The following SYNRG variants were observed in gnomAD, a reference collection of about 807,000 sequenced individuals.
SYNRG encodes the protein synergin gamma, also known as AP1 gamma subunit binding protein 1.
SYNRG carries 37 observed loss-of-function variants against 130.9 expected under a neutral mutation model. The observed-to-expected ratio is 0.28, with a 90% CI of 0.22 to 0.37. The LOEUF (loss-of-function observed/expected upper bound fraction) is 0.37. Among genes scored for constraint, SYNRG ranks in the 10% least tolerant of loss-of-function variants. The pLI is 1.00. For missense variants in SYNRG, 1,338 were observed against 1,588.9 expected (o/e 0.84, Z 2.68); for synonymous variants, 539 against 568.1 (o/e 0.95, Z 0.73).
chr17:37,530,426 C>T (rs1366412597), intron 19 of SYNRG, among the ~76,000 whole-genome samples: 2 of 152,202 alleles, frequency 1.3e-5, no homozygotes, highest in African/African-American at 4.8e-5. Context: ...GTGACACATC[C>T]TTCTCTACCC....
At position 37,606,631 on chromosome 17, in the gene SYNRG, T is replaced by C. The variant is rs1220597542; in HGVS notation, c.77+2648A>G. On this transcript the variant is annotated intron_variant, in intron 1 of 21. Transcript: ENST00000612223. ...GACTAATCCAGATCTTTCAACTCTTTTTTTTTTCTGCCTTGATTAAAGAAA... is the reference window on the plus strand; with the variant it reads ...GACTAATCCAGATCTTTCAACTCTTCTTTTTTTCTGCCTTGATTAAAGAAA... 2.0e-5 allele frequency among the ~76,000 whole-genome samples: 3 copies of C among 152,212 alleles called. No individual in the cohort carries two copies. The East Asian group carries it at 5.8e-4, about 29-fold the overall frequency.
chr17:37,550,567 A>T lies in SYNRG; in HGVS notation c.2608+2548T>A, dbSNP rs575072161. Among the ~76,000 whole-genome samples, 8 of 152,320 alleles carry T rather than the reference A, an allele frequency of 5.3e-5. No homozygotes were observed. The South Asian group carries it at 1.7e-3, about 32-fold the overall frequency. ...CAGATCACAAAAGAGAGTGATACAG[A>T]AGAGCTGGAAAAGAAGTCATCAGAA... On this transcript the variant is annotated intron_variant, in intron 14 of 21. Transcript: ENST00000612223.
At chr17:37,558,428 T>C (rs777062934) in intron 13 of SYNRG, among the ~76,000 whole-genome samples, 1 of 152,228 alleles carries the variant, frequency 6.6e-6, no homozygotes, top group Non-Finnish European at 1.5e-5. Flanking sequence ...TTTCATAGCA[T>C]GCATAGTTAA....
intron 19 of SYNRG, among the ~76,000 whole-genome samples, chr17:37,521,214 G>A (rs1017047398): frequency 6.6e-6 from 1 of 151,948 alleles, no homozygotes; most frequent in East Asian, 1.9e-4. Context: ...ATTTTTAGTA[G>A]AGACAGGGCT....
At chr17:37,538,550 A>G in intron 17 of SYNRG, 130 bp from the exon 18 acceptor site, 1 of 638,782 alleles carries the variant, frequency 1.6e-6, no homozygotes, top group Non-Finnish European at 2.8e-6. Context: ...TTGAAGAAAC[A>G]ATCCTCCATT....
intron 8 of SYNRG, among the ~76,000 whole-genome samples, chr17:37,575,275 T>C (rs1171239537): frequency 6.6e-6 from 1 of 152,100 alleles, no homozygotes; most frequent in Non-Finnish European, 1.5e-5. Context: ...AATAATTTAT[T>C]GTACACTTAA....
chr17:37,545,661 C>A (rs1359417264), intron 14 of SYNRG, among the ~76,000 whole-genome samples: 4 of 152,020 alleles, frequency 2.6e-5, no homozygotes, highest in African/African-American at 9.7e-5. Context: ...AATGATACGC[C>A]TGTAACATCT....
chr17:37,533,977 T>G (rs1034742432), intron 19 of SYNRG, among the ~76,000 whole-genome samples: 1 of 120,076 alleles, frequency 8.3e-6, no homozygotes, highest in African/African-American at 3.1e-5. Context: ...CTCTGTCACC[T>G]AGGCTGGAAT....
At chr17:37,566,001 G>C (rs1249453329) in intron 11 of SYNRG, among the ~76,000 whole-genome samples, 1 of 150,266 alleles carries the variant, frequency 6.7e-6, no homozygotes, top group Non-Finnish European at 1.5e-5. Flanking sequence ...GCCCCGTCCG[G>C]GAGGGAGGTG....
chr17:37,531,124 G>A (rs976061774), intron 19 of SYNRG, among the ~76,000 whole-genome samples: 1 of 152,148 alleles, frequency 6.6e-6, no homozygotes. Context: ...AGTCCCAGCT[G>A]TGGGAGGTTG....
Position 37,606,118 on chromosome 17 carries a change from T to G in SYNRG, c.77+3161A>C, listed in dbSNP as rs146294563. 79 of 594,168 alleles carry G rather than the reference T, an allele frequency of 1.3e-4. No homozygotes were observed. The East Asian group carries it at 0.01, about 77-fold the overall frequency. The allele number at this position is 594,168 out of a possible 1,614,324, so 36.8% of individuals were successfully genotyped here. A position where few individuals can be genotyped will look rare whatever the true frequency, so the allele number is the denominator to read the frequency against. ...TTTAAACTCAAGGCCCTCTCTAGTT[T>G]GGGCACAACTCTACTTTGCAGTTTT... On this transcript the variant is annotated intron_variant, in intron 1 of 21. Transcript: ENST00000612223.
At chr17:37,603,480 T>C (rs1259134455) in intron 1 of SYNRG, among the ~76,000 whole-genome samples, 1 of 152,236 alleles carries the variant, frequency 6.6e-6, no homozygotes, top group Non-Finnish European at 1.5e-5. Context: ...GCCTTAGATA[T>C]AGCCTTACAA....
rs760541880 is a variant in SYNRG at position 37,553,448 on chromosome 17, C to T, written c.2275G>A (p.Gly759Ser). 2 of 1,614,200 alleles carry T rather than the reference C, an allele frequency of 1.2e-6. No homozygotes were observed. The highest frequency in any genetic ancestry group is 4.5e-5 in the East Asian group (2 of 44,892). Residue 759 changes from glycine to serine, a missense_variant, in exon 14 of 22, where the codon GGT becomes AGT. Transcript: ENST00000612223. ...RQLSLEGSGL[G>S]VEDLKDNTPS... Reference sequence around the variant, plus strand: ...GTGTTATCTTTCAGGTCTTCAACACCTAGTCCAGACCCTTCCAGAGAAAGT... The same window carrying T: ...GTGTTATCTTTCAGGTCTTCAACACTTAGTCCAGACCCTTCCAGAGAAAGT...
chr17:37,576,620 C>G, intron 7 of SYNRG: 2 of 468,050 alleles, frequency 4.3e-6, no homozygotes, highest in South Asian at 9.1e-5. Context: ...TAACTATGTT[C>G]TAAAGAGTAA....
intron 3 of SYNRG, among the ~76,000 whole-genome samples, chr17:37,594,158 AT>A (rs1456046267): frequency 9.0e-6 from 1 of 111,106 alleles, no homozygotes; most frequent in Non-Finnish European, 1.8e-5. Flanking sequence ...TATGAATATT[AT>A]TTTAATTATA....
At chr17:37,542,703 A>G (rs746238758) in intron 14 of SYNRG, 138 bp from the exon 15 acceptor site, 2 of 682,918 alleles carry the variant, frequency 2.9e-6, no homozygotes, top group Admixed American at 3.1e-5. Context: ...AGTTTGTACT[A>G]AAATTAAGAG....
At chr17:37,598,710 T>C (rs2062998848) in intron 2 of SYNRG, among the ~76,000 whole-genome samples, 1 of 107,374 alleles carries the variant, frequency 9.3e-6, no homozygotes, top group Non-Finnish European at 2.2e-5. Flanking sequence ...CTAACAACTG[T>C]TAAAAAAAAA....
intron 3 of SYNRG, among the ~76,000 whole-genome samples, chr17:37,594,462 CT>C (rs58155320): frequency 5.9e-4 from 74 of 124,498 alleles, no homozygotes; most frequent in East Asian, 1.2e-3. Context: ...CTTTCTTCTT[CT>C]TTTTTTTTTT....
At chr17:37,532,622 G>A (rs1350922546) in intron 19 of SYNRG, among the ~76,000 whole-genome samples, 7 of 138,080 alleles carry the variant, frequency 5.1e-5, no homozygotes, top group African/African-American at 1.4e-4. Flanking sequence ...GCAGTGAGCC[G>A]AGATTGCACC....
Sources: gnomAD v4.1 joint callset for allele counts (sites outside exome capture counted in the v4.1 genomes callset) on GRCh38, gnomAD v4.1.1 for gene constraint, MANE v1.5 for transcripts, NCBI Gene and HGNC (gene_info 2026-07-23, HGNC 2026-07-21) for gene names.